Variants in RHOA observed in about 807,000 individuals in gnomAD.
RHOA encodes transforming protein RhoA.
RHOA carries 3 observed loss-of-function variants against 17.5 expected under a neutral mutation model. The observed-to-expected ratio is 0.17, with a 90% CI of 0.08 to 0.44. The LOEUF (loss-of-function observed/expected upper bound fraction) is 0.44. RHOA is among the 20% of genes least tolerant of loss of function. RHOA has a pLI of 0.99. For synonymous variants in RHOA, 98 were observed against 88.4 expected (o/e 1.11, Z -0.61); for missense variants, 56 against 242.3 (o/e 0.23, Z 5.10).
At chr3:49,394,166 G>A (rs1382112737) in intron 1 of RHOA, among the ~76,000 whole-genome samples, 1 of 150,642 alleles carries the variant, frequency 6.6e-6, no homozygotes, top group Non-Finnish European at 1.5e-5. Context: ...CACCGCCCCC[G>A]GCCTAATTTT....
intron 2 of RHOA, chr3:49,373,439 T>C (rs928250408): frequency 6.5e-6 from 1 of 154,794 alleles, no homozygotes; most frequent in African/African-American, 2.4e-5. Context: ...TATAACTGAA[T>C]GCTCAAGAAA....
Position 49,362,478 on chromosome 3 carries a change from T to C in RHOA, c.408+18A>G. On this transcript the variant is annotated intron_variant, in intron 4 of 4. Transcript: ENST00000418115. ...CTAGTTCAAGAATACTACAAGACAGTCCTGCCCCAGATCATGCCTGCTTCA... is the reference window on the plus strand; with the variant it reads ...CTAGTTCAAGAATACTACAAGACAGCCCTGCCCCAGATCATGCCTGCTTCA... 1 of 1,602,662 alleles carries C rather than the reference T, an allele frequency of 6.2e-7. No individual in the cohort carries two copies. The highest frequency in any genetic ancestry group is 8.5e-7 in the Non-Finnish European group (1 of 1,173,518).
intron 1 of RHOA, among the ~76,000 whole-genome samples, chr3:49,404,433 A>AACACACACACACACACACACACACACAC (rs374020319): frequency 0.039 from 3,570 of 90,526 alleles, 227 homozygotes; most frequent in Non-Finnish European, 0.05. Context: ...TCTCTAGTAA[A>AACACACACACACACACACACACACACAC]ACACACACAC....
chr3:49,363,685 CTACTAAAAT>C lies in RHOA; in HGVS notation c.278-1068_278-1060del, dbSNP rs1413672590. On this transcript the variant is annotated intron_variant, in intron 3 of 4. Transcript: ENST00000418115. ...TGGCCAACATGGCGAAACCTCATCT[CTACTAAAAT>C]TACTAAAATTAGCCGGGCGCAGTGG... is the stretch of plus-strand genomic sequence containing the variant. Among the ~76,000 whole-genome samples the C allele has an allele frequency of 4.6e-5, 7 of 152,086 alleles. No individual in the cohort carries two copies. The East Asian group carries it at 5.8e-4, about 13-fold the overall frequency.
intron 1 of RHOA, among the ~76,000 whole-genome samples, chr3:49,395,417 G>A (rs941833156): frequency 1.3e-5 from 2 of 151,894 alleles, no homozygotes; most frequent in African/African-American, 4.8e-5. Context: ...AATTAATAGA[G>A]AAACAAAGCC....
intron 1 of RHOA, among the ~76,000 whole-genome samples, chr3:49,378,361 T>C (rs1015133978): frequency 6.8e-6 from 1 of 147,410 alleles, no homozygotes; most frequent in Non-Finnish European, 1.5e-5. Flanking sequence ...ATCCTCCCAC[T>C]TCAAATTCCC....
chr3:49,381,401 G>C (rs888835466), intron 1 of RHOA, among the ~76,000 whole-genome samples: 5 of 132,136 alleles, frequency 3.8e-5, no homozygotes, highest in African/African-American at 1.1e-4. Context: ...GAAAAACCCC[G>C]TCTCAAAAAA....
At chr3:49,360,890 A>G (rs1183819320) in intron 4 of RHOA, 1 of 319,884 alleles carries the variant, frequency 3.1e-6, no homozygotes, top group Non-Finnish European at 6.3e-6. Flanking sequence ...CCTGGCCAAC[A>G]TGGTGAAACC....
chr3:49,388,954 A>C (rs1369901136), intron 1 of RHOA, among the ~76,000 whole-genome samples: 1 of 152,214 alleles, frequency 6.6e-6, no homozygotes, highest in East Asian at 1.9e-4. Flanking sequence ...TGAATCTTGA[A>C]AATACTATGC....
intron 2 of RHOA, among the ~76,000 whole-genome samples, chr3:49,372,531 C>G (rs1280022888): frequency 6.6e-6 from 1 of 151,850 alleles, no homozygotes; most frequent in Non-Finnish European, 1.5e-5. Flanking sequence ...TCAGGAGATC[C>G]AGACCATCCT....
At chr3:49,400,490 TAC>T (rs551927202) in intron 1 of RHOA, among the ~76,000 whole-genome samples, 205 of 152,282 alleles carry the variant, frequency 1.3e-3, no homozygotes, top group Middle Eastern at 6.8e-3. Flanking sequence ...CCTGAACTCC[TAC>T]AGCACTTCGT....
chr3:49,383,760 T>G (rs1172957659), intron 1 of RHOA, among the ~76,000 whole-genome samples: 2 of 152,212 alleles, frequency 1.3e-5, no homozygotes, highest in Non-Finnish European at 2.9e-5. Context: ...CCAGGCACGG[T>G]GGCTCACGCC....
chr3:49,393,728 G>GA (rs2048561323), intron 1 of RHOA, among the ~76,000 whole-genome samples: 3 of 124,802 alleles, frequency 2.4e-5, no homozygotes, highest in African/African-American at 9.0e-5. Context: ...GTGTGTGTGT[G>GA]TGACAGAATC....
At chr3:49,395,432 CG>C (rs1197562527) in intron 1 of RHOA, among the ~76,000 whole-genome samples, 1 of 152,034 alleles carries the variant, frequency 6.6e-6, no homozygotes, top group African/African-American at 2.4e-5. Context: ...AAAGCCTGGC[CG>C]GGCACGGCTG....
At position 49,362,537 on chromosome 3, in the gene RHOA, TC is replaced by T; in HGVS notation, c.366del (p.Asn123MetfsTer9). 1 of 1,613,706 alleles carries T rather than the reference TC, an allele frequency of 6.2e-7. No individual in the cohort carries two copies. Among genetic ancestry groups the T allele is most frequent in the Non-Finnish European group, 8.5e-7 (1 of 1,179,802 alleles). Reference protein sequence around the residue: ...IILVGNKKDLRNDEHTRRELA... With the variant: ...IILVGNKKDLXNDEHTRRELA... ...AGCTCCCGCCTTGTGTGCTCATCATTCCGAAGATCCTTCTTATTCCCAACCA... is the reference window on the plus strand; with the variant it reads ...AGCTCCCGCCTTGTGTGCTCATCATTCGAAGATCCTTCTTATTCCCAACCA... On this transcript the variant is annotated frameshift_variant, in exon 4 of 5. Transcript: ENST00000418115. LOFTEE classifies it high-confidence loss of function.
rs534259535 is a variant in RHOA, at chr3:49,390,805, A to G, written c.-2-15214T>C. ...TATTAATATAAAAGAGTACGGGGCC[A>G]GGTGTGGTGGCTCTCCCCTATAATC... On this transcript the variant is annotated intron_variant, in intron 1 of 4. Transcript: ENST00000418115. 5.9e-5 allele frequency among the ~76,000 whole-genome samples: 9 copies of G among 152,204 alleles called. No individual in the cohort carries two copies. The South Asian group carries it at 1.9e-3, about 32-fold the overall frequency.
intron 2 of RHOA, among the ~76,000 whole-genome samples, chr3:49,369,112 C>T (rs887682403): frequency 1.4e-5 from 2 of 145,236 alleles, no homozygotes; most frequent in African/African-American, 5.2e-5. Context: ...GCAAGCTCTG[C>T]CCCCGGGTTC....
intron 1 of RHOA, among the ~76,000 whole-genome samples, chr3:49,378,859 G>T (rs1240752226): frequency 6.6e-6 from 1 of 151,974 alleles, no homozygotes; most frequent in Non-Finnish European, 1.5e-5. Context: ...GCCTCCCAAA[G>T]TGCTGGGATT....
intron 1 of RHOA, among the ~76,000 whole-genome samples, chr3:49,385,577 A>C (rs2048383769): frequency 1.3e-5 from 2 of 152,016 alleles, no homozygotes; most frequent in African/African-American, 4.8e-5. Context: ...CCTTTGGGGC[A>C]CAACGTTTTT....
Sources: gnomAD v4.1 joint callset for allele counts (sites outside exome capture counted in the v4.1 genomes callset) on GRCh38, gnomAD v4.1.1 for gene constraint, MANE v1.5 for transcripts, NCBI Gene and HGNC (gene_info 2026-07-23, HGNC 2026-07-21) for gene names.